TP53BP1: variants seen among roughly 807,000 people sequenced by gnomAD.
TP53BP1 encodes TP53-binding protein 1.
A neutral mutation model predicts 200.8 loss-of-function variants in TP53BP1; 61 were observed. That is an observed-to-expected ratio of 0.30 (90% CI 0.25 to 0.38). The LOEUF (loss-of-function observed/expected upper bound fraction) is 0.38, where lower values mean the gene tolerates loss of function less well. TP53BP1 is among the 10% of genes least tolerant of loss of function. The pLI is 1.00. For synonymous variants in TP53BP1, 822 were observed against 844.3 expected (o/e 0.97, Z 0.46); for missense variants, 2,144 against 2,371.9 (o/e 0.90, Z 2.00).
intron 11 of TP53BP1, among the ~76,000 whole-genome samples, chr15:43,467,688 G>A (rs528356188): frequency 5.3e-5 from 8 of 152,082 alleles, no homozygotes; most frequent in African/African-American, 1.2e-4. Flanking sequence ...TAAAAGTCTC[G>A]TTTGGTCACT....
chr15:43,492,775 C>A (rs2079145789), intron 1 of TP53BP1, among the ~76,000 whole-genome samples: 1 of 149,190 alleles, frequency 6.7e-6, no homozygotes, highest in African/African-American at 2.5e-5. Context: ...CCCCCCGCCA[C>A]GTCCTTCTGG....
chr15:43,465,535 T>C (rs1487706621), intron 11 of TP53BP1, among the ~76,000 whole-genome samples: 3 of 151,568 alleles, frequency 2.0e-5, no homozygotes, highest in Non-Finnish European at 2.9e-5. Flanking sequence ...AAACAACAGA[T>C]AGTCCATTAA....
intron 21 of TP53BP1, among the ~76,000 whole-genome samples, chr15:43,419,582 TA>T (rs1266219605): frequency 2.1e-5 from 3 of 142,084 alleles, no homozygotes; most frequent in African/African-American, 7.7e-5. Flanking sequence ...AGGGTCTCAC[TA>T]TGTTTCAGCC....
intron 4 of TP53BP1, among the ~76,000 whole-genome samples, chr15:43,490,409 A>G (rs1384085462): frequency 6.6e-6 from 1 of 151,306 alleles, no homozygotes; most frequent in Admixed American, 6.6e-5. Flanking sequence ...TCTTTTGTAG[A>G]GACAGGGTCT....
At chr15:43,425,467 C>A (rs189620821) in intron 18 of TP53BP1, among the ~76,000 whole-genome samples, 1 of 152,142 alleles carries the variant, frequency 6.6e-6, no homozygotes, top group East Asian at 1.9e-4. Context: ...ACAAAAGATA[C>A]AAAAATTAGC....
Position 43,428,167 on chromosome 15 carries a change from C to G in TP53BP1, c.3677G>C (p.Gly1226Ala). 6.2e-7 allele frequency: 1 copy of G among 1,613,072 alleles called. No homozygotes were observed. The highest frequency in any genetic ancestry group is 8.5e-7 in the Non-Finnish European group (1 of 1,179,546). The change falls in exon 18 of 28, where the codon GGA becomes GCA. Residue 1226 changes from glycine (G) to alanine (A), a missense_variant and splice_region_variant. Physicochemically the swap from Gly to Ala is moderately conservative, Grantham distance 60. Around this residue, in one of 4 missense-constraint regions of TP53BP1, gnomAD observed 1,700 missense variants for 1,710.3 expected, o/e 0.99. Transcript: ENST00000382044. ...GDDTESLHSQ[G>A]EEEFDMPQPP... is the part of the protein sequence containing the mutation. Reference sequence around the variant, plus strand: ...CTGAGGCATATCAAACTCTTCTTCTCCCTGTGACAGAAAATACAGAACATA... The same window carrying G: ...CTGAGGCATATCAAACTCTTCTTCTGCCTGTGACAGAAAATACAGAACATA...
chr15:43,487,674 T>C (rs900501635), intron 4 of TP53BP1, among the ~76,000 whole-genome samples: 4 of 151,560 alleles, frequency 2.6e-5, no homozygotes, highest in African/African-American at 9.7e-5. Flanking sequence ...ACGGCTGTAG[T>C]CCCAGCTACT....
At chr15:43,434,499 T>C (rs2045745061) in intron 16 of TP53BP1, among the ~76,000 whole-genome samples, 1 of 152,242 alleles carries the variant, frequency 6.6e-6, no homozygotes, top group African/African-American at 2.4e-5. Context: ...TAAATGTCTA[T>C]GTCCCCTCCA....
chr15:43,506,443 C>T (rs1470633884), intron 1 of TP53BP1, among the ~76,000 whole-genome samples: 1 of 152,210 alleles, frequency 6.6e-6, no homozygotes, highest in Non-Finnish European at 1.5e-5. Context: ...GAGATTTATA[C>T]TATCTTTTGC....
chr15:43,490,089 T>A (rs939375879), intron 4 of TP53BP1, among the ~76,000 whole-genome samples: 2 of 151,728 alleles, frequency 1.3e-5, no homozygotes, highest in Non-Finnish European at 2.9e-5. Context: ...TTTTTTTTTT[T>A]ATTATTTTAT....
At position 43,492,043 on chromosome 15, in the gene TP53BP1, T is replaced by C; in HGVS notation, c.245A>G (p.Asn82Ser). 2 of 1,614,104 alleles carry C rather than the reference T, an allele frequency of 1.2e-6. No individual in the cohort carries two copies. Among genetic ancestry groups the C allele is most frequent in the Non-Finnish European group, 8.5e-7 (1 of 1,179,968 alleles). The change falls in exon 3 of 28, where the codon AAT becomes AGT. Residue 82 changes from asparagine (N) to serine (S), a missense_variant. Asn to Ser is a conservative substitution (Grantham distance 46). Transcript: ENST00000382044. ...TTTCAAATGTTCATTGAACCCACTATTACCGTCTCCTCGTTCTTCTCCAGC... is the reference window on the plus strand; with the variant it reads ...TTTCAAATGTTCATTGAACCCACTACTACCGTCTCCTCGTTCTTCTCCAGC... ...QTAGEERGDGNSGFNEHLKEN... is the reference protein window; with the variant it reads ...QTAGEERGDGSSGFNEHLKEN...
intron 18 of TP53BP1, among the ~76,000 whole-genome samples, chr15:43,422,448 AAG>A (rs975414442): frequency 1.8e-4 from 28 of 152,332 alleles, no homozygotes; most frequent in Admixed American, 1.8e-3. Context: ...ATTGGTAAGA[AAG>A]AGTTTATCTT....
At chr15:43,436,549 C>T (rs1228410027) in intron 16 of TP53BP1, among the ~76,000 whole-genome samples, 1 of 151,986 alleles carries the variant, frequency 6.6e-6, no homozygotes, top group African/African-American at 2.4e-5. Flanking sequence ...ACCACAGCTC[C>T]CTGCAGCCTC....
intron 4 of TP53BP1, among the ~76,000 whole-genome samples, chr15:43,491,466 T>C (rs1303075344): frequency 6.6e-6 from 1 of 152,186 alleles, no homozygotes; most frequent in Non-Finnish European, 1.5e-5. Context: ...ATTTGAATAA[T>C]GTAGGTATAA....
intron 19 of TP53BP1, 139 bp downstream of exon 19, chr15:43,421,716 C>T (rs979318559): frequency 8.1e-7 from 1 of 1,238,322 alleles, no homozygotes. Flanking sequence ...AGGAAGAGAG[C>T]AAATAGTGAA....
chr15:43,457,648 G>A (rs950532405), intron 11 of TP53BP1, among the ~76,000 whole-genome samples: 1 of 133,122 alleles, frequency 7.5e-6, no homozygotes, highest in African/African-American at 3.1e-5. Flanking sequence ...CTCCAGCCTG[G>A]GTGACGGAGT....
chr15:43,409,886 G>A, intron 24 of TP53BP1, 145 bp from the exon 25 acceptor site: 1 of 429,284 alleles, frequency 2.3e-6, no homozygotes, highest in Non-Finnish European at 4.1e-6. Flanking sequence ...GCTTCCCCAT[G>A]GGTCAGAAAG....
At chr15:43,459,323 C>T (rs985110400) in intron 11 of TP53BP1, among the ~76,000 whole-genome samples, 9 of 151,900 alleles carry the variant, frequency 5.9e-5, no homozygotes, top group Non-Finnish European at 8.8e-5. Context: ...AGCGACAGAG[C>T]GAGAGTCTGT....
chr15:43,435,829 G>A lies in TP53BP1; in HGVS notation c.3191+2495C>T, dbSNP rs148973261. Among the ~76,000 whole-genome samples the A allele has an allele frequency of 3.6e-3, 551 of 152,156 alleles. 3 individuals carry two copies. The highest frequency in any genetic ancestry group is 0.012 in the African/African-American group (517 of 41,518). On this transcript the variant is annotated intron_variant, in intron 16 of 27. Coordinates refer to ENST00000382044, the MANE Select transcript of TP53BP1 (RefSeq NM_001141980.3). ...TCATGCCTTAGCCTCCAGAGTAGCTGAGACTACAAGCGTGGACGACCCTGC... is the reference window on the plus strand; with the variant it reads ...TCATGCCTTAGCCTCCAGAGTAGCTAAGACTACAAGCGTGGACGACCCTGC...
Sources: gnomAD v4.1 joint callset for allele counts (sites outside exome capture counted in the v4.1 genomes callset) on GRCh38, gnomAD v4.1.1 for gene constraint, gnomAD v4.1.1 regional missense constraint, MANE v1.5 for transcripts, NCBI Gene and HGNC (gene_info 2026-07-23, HGNC 2026-07-21) for gene names.